Variants in ATP8A2 observed in about 807,000 individuals in gnomAD.
ATP8A2 encodes phospholipid-transporting ATPase IB.
ATP8A2 carries 100 observed loss-of-function variants against 165.6 expected under a neutral mutation model. That is an observed-to-expected ratio of 0.60 (90% CI 0.51 to 0.71). The LOEUF is 0.71. ATP8A2 is among the 30% of genes least tolerant of loss of function. The pLI, the probability that ATP8A2 is intolerant of heterozygous loss-of-function variation, is 0.00. For missense variants in ATP8A2, 1,227 were observed against 1,479.5 expected, an observed-to-expected ratio of 0.83 and a Z score of 2.80; for synonymous variants, 543 against 548.8, an observed-to-expected ratio of 0.99 and a Z score of 0.15.
At chr13:25,901,937 C>A (rs768805918) in intron 33 of ATP8A2, among the ~76,000 whole-genome samples, 4 of 152,128 alleles carry the variant, frequency 2.6e-5, no homozygotes, top group Non-Finnish European at 5.9e-5. Flanking sequence ...ATATGTACAG[C>A]GTATCAATAT....
intron 33 of ATP8A2, among the ~76,000 whole-genome samples, chr13:25,892,047 C>T (rs939605891): frequency 1.5e-4 from 23 of 150,024 alleles, no homozygotes; most frequent in African/African-American, 1.7e-4. Context: ...AGTGCAGGGG[C>T]GCGATCTTGG....
At position 25,372,332 on chromosome 13, in the gene ATP8A2, G is replaced by T; in HGVS notation, c.76+44G>T. On this transcript the variant is annotated intron_variant, in intron 1 of 36. Coordinates refer to ENST00000381655, the MANE Select transcript of ATP8A2 (RefSeq NM_016529.6). This position sits in a 1 kb window ranked among gnomAD's most constrained non-coding sequence, Gnocchi z 4.8. ...GGCGAGGGAGGGTGGGCCCGGGGCG[G>T]GGGCGGCGCGGGGCGCGCCTGCGGT... 7.5e-7 allele frequency: 1 copy of T among 1,334,674 alleles called. No homozygotes were observed. The highest frequency in any genetic ancestry group is 9.9e-7 in the Non-Finnish European group (1 of 1,009,854). 82.7% of individuals were successfully genotyped at this position (1,334,674 alleles called of 1,614,324 possible).
chr13:25,506,937 G>GTATATATATATATATATA (rs1555285034), intron 2 of ATP8A2, among the ~76,000 whole-genome samples: 3 of 66,408 alleles, frequency 4.5e-5, no homozygotes, highest in Non-Finnish European at 6.6e-5. Flanking sequence ...ATACAGTACA[G>GTATATATATATATATATA]TACATATATA....
chr13:25,898,295 A>C (rs976846691), intron 33 of ATP8A2, among the ~76,000 whole-genome samples: 2 of 152,226 alleles, frequency 1.3e-5, no homozygotes, highest in Non-Finnish European at 2.9e-5. Flanking sequence ...GGTCCACTCC[A>C]GACCCTGTTT....
At chr13:25,713,777 T>A (rs1399957469) in intron 25 of ATP8A2, among the ~76,000 whole-genome samples, 3 of 151,948 alleles carry the variant, frequency 2.0e-5, no homozygotes, top group Non-Finnish European at 2.9e-5. Context: ...ACGTGCCATG[T>A]TCTGGGTCCT....
At chr13:25,892,570 A>C (rs1207370864) in intron 33 of ATP8A2, among the ~76,000 whole-genome samples, 1 of 138,604 alleles carries the variant, frequency 7.2e-6, no homozygotes, top group African/African-American at 3.0e-5. Flanking sequence ...GGAAACAACA[A>C]ATGGAAACAC....
chr13:26,016,546 A>G (rs907447289), intron 36 of ATP8A2, among the ~76,000 whole-genome samples: 4 of 152,178 alleles, frequency 2.6e-5, no homozygotes. Context: ...ATAAAAGAAA[A>G]GGCTTTTGCA....
At chr13:25,886,116 C>G (rs981890673) in intron 33 of ATP8A2, among the ~76,000 whole-genome samples, 1 of 152,192 alleles carries the variant, frequency 6.6e-6, no homozygotes, top group Non-Finnish European at 1.5e-5. Context: ...AAGAATATTA[C>G]AGTAGTTAGT....
chr13:25,637,364 G>A (rs1409917054), intron 24 of ATP8A2, among the ~76,000 whole-genome samples: 1 of 152,106 alleles, frequency 6.6e-6, no homozygotes, highest in East Asian at 1.9e-4. Context: ...CCTAGCCAAG[G>A]GAAGCTGTAA....
At chr13:26,016,147 C>T (rs916317186) in intron 36 of ATP8A2, among the ~76,000 whole-genome samples, 1 of 152,208 alleles carries the variant, frequency 6.6e-6, no homozygotes, top group Admixed American at 6.5e-5. Context: ...AGGCCATTCT[C>T]CTTTCACTCT....
intron 2 of ATP8A2, among the ~76,000 whole-genome samples, chr13:25,522,950 C>G (rs1252151206): frequency 6.6e-6 from 1 of 151,886 alleles, no homozygotes; most frequent in East Asian, 1.9e-4. Flanking sequence ...ATGGTGAAAC[C>G]CCATCTCTAC....
At chr13:25,696,908 A>C (rs1306772575) in intron 24 of ATP8A2, among the ~76,000 whole-genome samples, 1 of 152,184 alleles carries the variant, frequency 6.6e-6, no homozygotes, top group African/African-American at 2.4e-5. Flanking sequence ...CATGCTTTTG[A>C]CATGGTGTAC....
chr13:25,612,303 G>A (rs1269699256), intron 24 of ATP8A2, among the ~76,000 whole-genome samples: 4 of 152,012 alleles, frequency 2.6e-5, no homozygotes, highest in Non-Finnish European at 5.9e-5. Flanking sequence ...CACTGCCTTT[G>A]TCGTATCCCA....
At chr13:25,497,722 C>T (rs1410040241) in intron 2 of ATP8A2, among the ~76,000 whole-genome samples, 6 of 151,920 alleles carry the variant, frequency 3.9e-5, no homozygotes, top group Non-Finnish European at 8.8e-5. Context: ...TTTGGGAGGC[C>T]GAGGCAGGCG....
chr13:25,718,501 A>G (rs955578301), intron 25 of ATP8A2, among the ~76,000 whole-genome samples: 2 of 152,154 alleles, frequency 1.3e-5, no homozygotes, highest in Admixed American at 6.5e-5. Context: ...TACAACACTG[A>G]GAGCCAGTAG....
chr13:25,953,180 C>G lies in ATP8A2; in HGVS notation c.3184-8395C>G, dbSNP rs538606042. On this transcript the variant is annotated intron_variant, in intron 33 of 36. Transcript: ENST00000381655. The surrounding 1 kb of genome is among the most constrained non-coding windows in gnomAD (Gnocchi z 6.7). ...AATTGTCCCCTCCTGTGTTTCTTTT[C>G]GTCTTTTAACTTTACAAGTGCTCCT... Among the ~76,000 whole-genome samples, 2 of 152,074 alleles carry G rather than the reference C, an allele frequency of 1.3e-5. No individual in the cohort carries two copies. The highest frequency in any genetic ancestry group is 1.3e-4 in the Admixed American group (2 of 15,264).
At chr13:25,990,577 C>T (rs144150859) in intron 35 of ATP8A2, among the ~76,000 whole-genome samples, 397 of 152,190 alleles carry the variant, frequency 2.6e-3, no homozygotes, top group South Asian at 5.4e-3. Flanking sequence ...CCAGCTGGGG[C>T]AGAGGGAGGG....
At chr13:25,646,695 CTCTG>C (rs945822413) in intron 24 of ATP8A2, among the ~76,000 whole-genome samples, 10 of 147,906 alleles carry the variant, frequency 6.8e-5, no homozygotes, top group Admixed American at 2.7e-4. Context: ...CATTTAGTCA[CTCTG>C]TCTTTTTATT....
chr13:25,468,911 C>G lies in ATP8A2; in HGVS notation c.77-66C>G. 8 of 1,580,100 alleles carry G rather than the reference C, an allele frequency of 5.1e-6. No individual in the cohort carries two copies. The South Asian group carries it at 7.9e-5, about 16-fold the overall frequency. ...TGGCCGCCCGCCCGCGGCCCGCGCT[C>G]GCAGCCTCCCGCCTGGCGGTTGACT... On this transcript the variant is annotated intron_variant, in intron 1 of 36. Coordinates refer to ENST00000381655, the MANE Select transcript of ATP8A2 (RefSeq NM_016529.6).
Sources: gnomAD v4.1 joint callset for allele counts (sites outside exome capture counted in the v4.1 genomes callset) on GRCh38, gnomAD v4.1.1 for gene constraint, Gnocchi (gnomAD v3.1) non-coding constraint, MANE v1.5 for transcripts, NCBI Gene and HGNC (gene_info 2026-07-23, HGNC 2026-07-21) for gene names.